Variants in MAP2K4 observed in about 807,000 individuals in gnomAD.
MAP2K4 encodes the protein dual specificity mitogen-activated protein kinase kinase 4.
Under a neutral mutation model 48.5 loss-of-function variants are expected in MAP2K4, and 4 were observed. The observed-to-expected ratio is 0.08, with a 90% CI of 0.04 to 0.19. MAP2K4 has a LOEUF of 0.19. MAP2K4 is among the 10% of genes least tolerant of loss of function. The pLI is 1.00. For synonymous variants in MAP2K4, 166 were observed against 173.1 expected, an observed-to-expected ratio of 0.96 and a Z score of 0.32; for missense variants, 258 against 493.3, an observed-to-expected ratio of 0.52 and a Z score of 4.52.
intron 1 of MAP2K4, among the ~76,000 whole-genome samples, chr17:12,028,851 T>C (rs1018160239): frequency 2.0e-5 from 3 of 152,156 alleles, no homozygotes; most frequent in African/African-American, 7.2e-5. Flanking sequence ...TGGAGATAAC[T>C]ACAAAACCTC....
chr17:12,056,969 T>C (rs1430832067), intron 2 of MAP2K4, among the ~76,000 whole-genome samples: 1 of 152,146 alleles, frequency 6.6e-6, no homozygotes, highest in Non-Finnish European at 1.5e-5. Context: ...TAAAACTTGT[T>C]CATGAATTTA....
chr17:12,042,302 A>G (rs2151517180), intron 1 of MAP2K4, among the ~76,000 whole-genome samples: 1 of 152,144 alleles, frequency 6.6e-6, no homozygotes, highest in South Asian at 2.1e-4. Context: ...CCGGATTCTT[A>G]AGGACAGATC....
chr17:12,039,472 A>G (rs1226761629), intron 1 of MAP2K4, among the ~76,000 whole-genome samples: 1 of 152,222 alleles, frequency 6.6e-6, no homozygotes, highest in Non-Finnish European at 1.5e-5. Flanking sequence ...ATCAGCAATT[A>G]CCAACATATA....
At chr17:12,067,519 T>C (rs193112803) in intron 2 of MAP2K4, among the ~76,000 whole-genome samples, 1 of 152,200 alleles carries the variant, frequency 6.6e-6, no homozygotes, top group African/African-American at 2.4e-5. Flanking sequence ...TTAGGACCAC[T>C]GGTACAGCGG....
At chr17:12,038,148 A>G (rs764426336) in intron 1 of MAP2K4, among the ~76,000 whole-genome samples, 4 of 152,308 alleles carry the variant, frequency 2.6e-5, no homozygotes, top group East Asian at 1.9e-4. Context: ...ACAGATACAG[A>G]GTAGAAATGA....
chr17:12,099,755 T>C (rs762304272), intron 4 of MAP2K4, among the ~76,000 whole-genome samples: 22 of 152,176 alleles, frequency 1.4e-4, no homozygotes, highest in Non-Finnish European at 2.2e-4. Flanking sequence ...TTAGCCTATA[T>C]TTTACAAAAA....
intron 2 of MAP2K4, among the ~76,000 whole-genome samples, chr17:12,058,265 A>G (rs529630432): frequency 4.1e-5 from 6 of 144,778 alleles, no homozygotes; most frequent in African/African-American, 1.5e-4. Context: ...GGGTCTCACT[A>G]TATTGCCCAG....
At position 12,143,542 on chromosome 17, in the gene MAP2K4, A is replaced by G. The variant is rs952760609; in HGVS notation, c.*2282A>G. ...TATCAAAAAGCTAATGTGCAGGGAT[A>G]TTGCCTTATTTGTCTGTAAAAAATG... On this transcript the variant is annotated 3_prime_UTR_variant, in exon 11 of 11. Transcript: ENST00000353533. 1 of 231,186 alleles carries G rather than the reference A, an allele frequency of 4.3e-6. No individual in the cohort carries two copies. The highest frequency in any genetic ancestry group is 8.6e-6 in the Non-Finnish European group (1 of 116,564). The allele number at this position is 231,186 out of a possible 1,614,324, so 14.3% of individuals were successfully genotyped here. A position where few individuals can be genotyped will look rare whatever the true frequency, so the allele number is the denominator to read the frequency against.
chr17:12,070,082 G>A (rs1272429134), intron 2 of MAP2K4, among the ~76,000 whole-genome samples: 1 of 150,910 alleles, frequency 6.6e-6, no homozygotes, highest in African/African-American at 2.4e-5. Flanking sequence ...GCATTGGGAA[G>A]AAATCAAGAT....
intron 9 of MAP2K4, among the ~76,000 whole-genome samples, chr17:12,132,543 AC>A (rs1379232255): frequency 6.6e-6 from 1 of 152,050 alleles, no homozygotes; most frequent in Non-Finnish European, 1.5e-5. Flanking sequence ...GAATATTGTT[AC>A]TTTTTAGTTC....
At position 12,045,851 on chromosome 17, in the gene MAP2K4, T is replaced by TATAC. The variant is rs532922529; in HGVS notation, c.116-9037_116-9034dup. Among the ~76,000 whole-genome samples, 24 of 152,318 alleles carry TATAC rather than the reference T, an allele frequency of 1.6e-4. No individual in the cohort carries two copies. The South Asian group carries it at 4.8e-3, about 30-fold the overall frequency. On this transcript the variant is annotated intron_variant, in intron 1 of 10. Transcript: ENST00000353533. ...CTTGTCTTCATGGGATTTCTGTTGA[T>TATAC]ATACTCACAAGTTCGAGGCTTAAAA...
rs1439012811 is a variant in MAP2K4, at chr17:12,073,247, A to C, written c.219-8109A>C. ...TCCTGCCCACACTGGTAACTACCAG[A>C]AAAAAACTGGGGAGAGATGGGAAGA... On this transcript the variant is annotated intron_variant, in intron 2 of 10. Coordinates refer to ENST00000353533, the MANE Select transcript of MAP2K4 (RefSeq NM_003010.4). Among the ~76,000 whole-genome samples the C allele has an allele frequency of 1.1e-4, 16 of 152,160 alleles. No homozygotes were observed. The East Asian group carries it at 2.3e-3, about 22-fold the overall frequency.
chr17:12,049,973 A>G (rs750243525), intron 1 of MAP2K4, among the ~76,000 whole-genome samples: 47 of 152,342 alleles, frequency 3.1e-4, no homozygotes, highest in Middle Eastern at 6.8e-3. Flanking sequence ...CTTCATTACC[A>G]TGAACAATGA....
chr17:12,021,107 C>G (rs1470764412), intron 1 of MAP2K4, 106 bp downstream of exon 1: 2 of 598,300 alleles, frequency 3.3e-6, no homozygotes, highest in East Asian at 4.0e-5. Flanking sequence ...GAAGCCACGG[C>G]AGCCGCCGGC....
intron 1 of MAP2K4, chr17:12,032,141 A>C: frequency 2.4e-6 from 1 of 421,984 alleles, no homozygotes; most frequent in Non-Finnish European, 4.2e-6. Context: ...GGTGGGGGTA[A>C]TGTGATTTGA....
chr17:12,094,630 TTTA>T (rs1055186243), intron 3 of MAP2K4, among the ~76,000 whole-genome samples: 7 of 152,270 alleles, frequency 4.6e-5, no homozygotes, highest in African/African-American at 1.4e-4. Flanking sequence ...AAACTATAAT[TTTA>T]TTATTATTTT....
At chr17:12,132,447 T>C (rs1973058981) in intron 9 of MAP2K4, among the ~76,000 whole-genome samples, 1 of 152,134 alleles carries the variant, frequency 6.6e-6, no homozygotes, top group Non-Finnish European at 1.5e-5. Context: ...ACGAATGATG[T>C]TGAGTGAAAG....
intron 9 of MAP2K4, among the ~76,000 whole-genome samples, chr17:12,135,848 C>CCT (rs1346710000): frequency 6.6e-6 from 1 of 152,092 alleles, no homozygotes; most frequent in African/African-American, 2.4e-5. Flanking sequence ...TCGTGCCCCA[C>CCT]CTAAAGTCCC....
chr17:12,136,790 T>C (rs1973225744), intron 9 of MAP2K4, among the ~76,000 whole-genome samples: 1 of 152,216 alleles, frequency 6.6e-6, no homozygotes, highest in Non-Finnish European at 1.5e-5. Flanking sequence ...CAGAAAGGTA[T>C]GGCAGCTTTA....
Sources: allele counts gnomAD v4.1 joint callset (sites outside exome capture counted in the v4.1 genomes callset), GRCh38; gene constraint gnomAD v4.1.1; transcripts MANE v1.5; gene names NCBI Gene and HGNC (gene_info 2026-07-23, HGNC 2026-07-21).